Variants in TBL1XR1 observed in about 807,000 individuals in gnomAD.
TBL1XR1 encodes the protein F-box-like/WD repeat-containing protein TBL1XR1.
Under a neutral mutation model 66.9 loss-of-function variants are expected in TBL1XR1, and 5 were observed. The ratio of observed to expected loss-of-function variants is 0.07; its 90% confidence interval spans 0.04 to 0.16. TBL1XR1 has a LOEUF of 0.16. TBL1XR1 is among the 10% of genes least tolerant of loss of function. The pLI, the probability that TBL1XR1 is intolerant of heterozygous loss-of-function variation, is 1.00. For missense variants in TBL1XR1, 238 were observed against 623.2 expected, an observed-to-expected ratio of 0.38 and a Z score of 6.58; for synonymous variants, 210 against 206.0, an observed-to-expected ratio of 1.02 and a Z score of -0.17.
At chr3:177,199,535 T>C (rs1577476282), upstream of TBL1XR1, among the ~76,000 whole-genome samples, 1 of 152,244 alleles carries the variant, frequency 6.6e-6, no homozygotes, top group East Asian at 1.9e-4. Context: ...GCGGGTCCTC[T>C]CCATACAGCA....
intron 14 of TBL1XR1, among the ~76,000 whole-genome samples, chr3:177,029,167 G>A (rs187463571): frequency 1.7e-4 from 26 of 151,470 alleles, no homozygotes; most frequent in African/African-American, 6.3e-4. Flanking sequence ...CGGGCACAGT[G>A]GCATGTGCCT....
chr3:177,186,803 T>C (rs1342398579), intron 1 of TBL1XR1, among the ~76,000 whole-genome samples: 1 of 152,200 alleles, frequency 6.6e-6, no homozygotes, highest in African/African-American at 2.4e-5. Context: ...ATTGAAATCA[T>C]GGCCAGTCGT....
rs570742580 is a variant in TBL1XR1, at chr3:177,025,923, AT to A, written c.1519-400del. 2.5e-3 allele frequency: 700 copies of A among 275,666 alleles called. 1 individual carries two copies. The highest frequency in any genetic ancestry group is 3.8e-3 in the Non-Finnish European group (556 of 146,994). The allele number at this position is 275,666 out of a possible 1,614,324, so 17.1% of individuals were successfully genotyped here. A position where few individuals can be genotyped will look rare whatever the true frequency, so the allele number is the denominator to read the frequency against. On this transcript the variant is annotated intron_variant, in intron 15 of 15. Transcript: ENST00000457928. ...GTGCTTCTACAGCTTTGGAAGCCAT[AT>A]TTGCATTGTTGTAAAGAGTTGGCTA...
intron 5 of TBL1XR1, among the ~76,000 whole-genome samples, chr3:177,051,020 G>A (rs1241532799): frequency 6.6e-6 from 1 of 151,936 alleles, no homozygotes; most frequent in African/African-American, 2.4e-5. Context: ...GTTATTTGTT[G>A]ATAACTAGTA....
intron 7 of TBL1XR1, 124 bp from the exon 8 acceptor site, chr3:177,047,673 G>A: frequency 8.8e-7 from 1 of 1,134,896 alleles, no homozygotes; most frequent in Non-Finnish European, 1.3e-6. Flanking sequence ...TTCAAAACTT[G>A]TCAGTTTTGC....
chr3:177,181,976 G>C (rs1304632379), intron 1 of TBL1XR1, among the ~76,000 whole-genome samples: 8 of 152,154 alleles, frequency 5.3e-5, no homozygotes, highest in Non-Finnish European at 1.2e-4. Flanking sequence ...CCCACATTTT[G>C]AGTATATTCC....
intron 1 of TBL1XR1, among the ~76,000 whole-genome samples, chr3:177,187,166 CAAAAA>C (rs11369670): frequency 1.5e-5 from 2 of 134,800 alleles, no homozygotes; most frequent in African/African-American, 5.6e-5. Context: ...GACTCTGTCT[CAAAAA>C]AAAAAAAAAG....
At chr3:177,192,221 A>C (rs2109011798) in intron 1 of TBL1XR1, among the ~76,000 whole-genome samples, 1 of 152,202 alleles carries the variant, frequency 6.6e-6, no homozygotes, top group South Asian at 2.1e-4. Flanking sequence ...CCCCGTCTCT[A>C]CTAAAAATAC....
intron 1 of TBL1XR1, among the ~76,000 whole-genome samples, chr3:177,144,142 G>C (rs575317402): frequency 1.3e-3 from 192 of 152,152 alleles, no homozygotes; most frequent in Non-Finnish European, 2.3e-3. Context: ...CTACTCAGGA[G>C]GCTGGGGCAC....
intron 3 of TBL1XR1, among the ~76,000 whole-genome samples, chr3:177,059,733 G>T (rs1036938525): frequency 5.3e-5 from 8 of 152,066 alleles, no homozygotes; most frequent in African/African-American, 1.9e-4. Context: ...TGGATTGAAG[G>T]ATACAAAGTA....
chr3:177,033,258 C>T (rs927992814), intron 13 of TBL1XR1, 122 bp from the exon 14 acceptor site: 3 of 640,380 alleles, frequency 4.7e-6, no homozygotes, highest in Non-Finnish European at 7.3e-6. Context: ...AGAAGCAGAC[C>T]GACTGGACTG....
chr3:177,052,307 A>G (rs185303885), intron 4 of TBL1XR1, among the ~76,000 whole-genome samples: 2 of 152,330 alleles, frequency 1.3e-5, no homozygotes, highest in South Asian at 2.1e-4. Flanking sequence ...AAGCACAAGA[A>G]GAGACACAAA....
In TBL1XR1 at chr3:177,074,900, C is replaced by A. The variant is rs142857298; in HGVS notation, c.-45-9878G>T. 2.2e-4 allele frequency among the ~76,000 whole-genome samples: 34 copies of A among 152,172 alleles called. No homozygotes were observed. The East Asian group carries it at 6.4e-3, about 28-fold the overall frequency. The stretch of plus-strand genomic sequence containing the variant: ...TTCTGAAACATGTGAAGGTGAACAC[C>A]ATGCACAACACGGTTTAGGAATTTG... On this transcript the variant is annotated intron_variant, in intron 2 of 15. Transcript: ENST00000457928.
chr3:177,064,739 T>C (rs1718942049), intron 3 of TBL1XR1, among the ~76,000 whole-genome samples, 181 bp downstream of exon 3: 2 of 152,136 alleles, frequency 1.3e-5, no homozygotes, highest in Admixed American at 6.5e-5. Context: ...GTTTGCAACA[T>C]ATTTGAAAGA....
At chr3:177,114,490 G>A (rs182007503) in intron 1 of TBL1XR1, among the ~76,000 whole-genome samples, 2 of 151,754 alleles carry the variant, frequency 1.3e-5, no homozygotes, top group East Asian at 1.9e-4. Context: ...TTGTAGAGAC[G>A]GGCCCTCACA....
chr3:177,122,302 A>C (rs1389434324), intron 1 of TBL1XR1, among the ~76,000 whole-genome samples: 2 of 148,480 alleles, frequency 1.3e-5, no homozygotes, highest in African/African-American at 4.9e-5. Flanking sequence ...AAAAAAAAAA[A>C]ACACTGTAAG....
chr3:177,154,742 C>T (rs1731294674), intron 1 of TBL1XR1, among the ~76,000 whole-genome samples: 1 of 152,070 alleles, frequency 6.6e-6, no homozygotes, highest in African/African-American at 2.4e-5. Context: ...GAGATTAACA[C>T]CCTTCTCTCT....
chr3:177,121,419 C>G (rs1726958050), intron 1 of TBL1XR1, among the ~76,000 whole-genome samples: 1 of 152,150 alleles, frequency 6.6e-6, no homozygotes, highest in Non-Finnish European at 1.5e-5. Flanking sequence ...GGATGTCAAT[C>G]TTTTTCTTCC....
chr3:177,093,488 G>A (rs986264285), intron 2 of TBL1XR1, among the ~76,000 whole-genome samples: 5 of 152,088 alleles, frequency 3.3e-5, no homozygotes, highest in Admixed American at 6.5e-5. Context: ...AATTTCTATG[G>A]TATCAAAGAA....
Sources: gnomAD v4.1 joint callset for allele counts (sites outside exome capture counted in the v4.1 genomes callset) on GRCh38, gnomAD v4.1.1 for gene constraint, MANE v1.5 for transcripts, NCBI Gene and HGNC (gene_info 2026-07-23, HGNC 2026-07-21) for gene names.